Variants in ERCC6L2 observed in about 807,000 individuals in gnomAD.
The protein encoded by ERCC6L2 is ERCC excision repair 6 like 2.
A neutral mutation model predicts 132.0 loss-of-function variants in ERCC6L2; 77 were observed. That is an observed-to-expected ratio of 0.58 (90% confidence interval 0.49 to 0.71). The LOEUF (loss-of-function observed/expected upper bound fraction) is 0.71, where lower values mean the gene tolerates loss of function less well. ERCC6L2 is among the 30% of genes least tolerant of loss of function. The pLI, the probability that ERCC6L2 is intolerant of heterozygous loss-of-function variation, is 0.00. For missense variants in ERCC6L2, 1,542 were observed against 1,837.6 expected (o/e 0.84, Z 2.94); for synonymous variants, 583 against 632.4 (o/e 0.92, Z 1.17).
chr9:95,963,960 A>G (rs944991005), intron 13 of ERCC6L2, among the ~76,000 whole-genome samples: 2 of 152,084 alleles, frequency 1.3e-5, no homozygotes, highest in East Asian at 3.9e-4. Flanking sequence ...TGTGTCTGCT[A>G]AGTTTCTCCA....
chr9:96,024,739 C>T (rs1834339233), intron 19 of ERCC6L2, among the ~76,000 whole-genome samples: 1 of 152,202 alleles, frequency 6.6e-6, no homozygotes, highest in Non-Finnish European at 1.5e-5. Context: ...CACCCTGTTG[C>T]TTTGGTGTGA....
At chr9:95,928,003 C>A in intron 9 of ERCC6L2, 76 bp from the exon 10 acceptor site, 2 of 926,714 alleles carry the variant, frequency 2.2e-6, no homozygotes, top group Non-Finnish European at 3.5e-6. Context: ...TAAAGAAATT[C>A]TCAAGTGATG....
In ERCC6L2 at chr9:95,945,903, A is replaced by G. The variant is rs183198485; in HGVS notation, c.1847+4354A>G. 1.4e-4 allele frequency among the ~76,000 whole-genome samples: 22 copies of G among 152,300 alleles called. No homozygotes were observed. The East Asian group carries it at 4.2e-3, about 29-fold the overall frequency. ...ATATGTTGAAACTTTTTTTAGAAAG[A>G]AGGAGAAAAGTGGGGCTGGCAGAAA... On this transcript the variant is annotated intron_variant, in intron 12 of 18. Coordinates refer to ENST00000653738, the MANE Select transcript of ERCC6L2 (RefSeq NM_020207.7).
downstream of ERCC6L2, chr9:96,021,687 C>G (rs1276004402): frequency 6.5e-6 from 1 of 153,048 alleles, no homozygotes; most frequent in Non-Finnish European, 1.5e-5. The surrounding 1 kb of genome is among the most constrained non-coding windows in gnomAD (Gnocchi z 4.7). Flanking sequence ...GCTCCCTTCC[C>G]CGCCCTGGAT....
chr9:96,027,308 C>T (rs867744028), intron 19 of ERCC6L2, among the ~76,000 whole-genome samples: 70 of 152,296 alleles, frequency 4.6e-4, no homozygotes, highest in Non-Finnish European at 8.8e-4. Flanking sequence ...GACGGAGTGA[C>T]CGGCAGGACA....
At chr9:95,991,323 C>G (rs690455) in intron 17 of ERCC6L2, among the ~76,000 whole-genome samples, 4 of 151,894 alleles carry the variant, frequency 2.6e-5, no homozygotes, top group African/African-American at 9.7e-5. Context: ...CTTTCTGTTA[C>G]GAATATCTTT....
intron 16 of ERCC6L2, among the ~76,000 whole-genome samples, chr9:95,974,119 A>G (rs552637252): frequency 2.1e-4 from 32 of 152,294 alleles, no homozygotes; most frequent in African/African-American, 7.7e-4. Flanking sequence ...AGCCATTGAT[A>G]CTTAATACCT....
At chr9:95,950,186 C>G (rs1831266066) in intron 12 of ERCC6L2, among the ~76,000 whole-genome samples, 1 of 151,972 alleles carries the variant, frequency 6.6e-6, no homozygotes. Flanking sequence ...TTTTTATTTT[C>G]TACAGGATTT....
chr9:96,019,029 CA>C (rs373827010), downstream of ERCC6L2, among the ~76,000 whole-genome samples: 167 of 152,280 alleles, frequency 1.1e-3, 2 homozygotes, highest in East Asian at 0.02. Flanking sequence ...GTTTATCTGG[CA>C]GGGGGAAAAA....
At chr9:96,008,795 C>T (rs1457734208) in intron 18 of ERCC6L2, among the ~76,000 whole-genome samples, 5 of 152,184 alleles carry the variant, frequency 3.3e-5, no homozygotes, top group African/African-American at 4.8e-5. Context: ...GCTGCGGCTT[C>T]GTTGAAGTCA....
intron 3 of ERCC6L2, among the ~76,000 whole-genome samples, chr9:95,901,531 G>GT (rs1480910790): frequency 6.6e-6 from 1 of 152,128 alleles, no homozygotes; most frequent in East Asian, 1.9e-4. Context: ...GTTTTGTTGA[G>GT]TTTTGTTTTG....
chr9:95,956,250 C>T (rs936454180), intron 13 of ERCC6L2, among the ~76,000 whole-genome samples: 11 of 152,144 alleles, frequency 7.2e-5, no homozygotes, highest in Non-Finnish European at 1.0e-4. Context: ...TGCGAATTAC[C>T]AAGGGATCTT....
At chr9:95,918,531 A>G (rs1829708739) in intron 6 of ERCC6L2, 1 of 479,708 alleles carries the variant, frequency 2.1e-6, no homozygotes, top group Non-Finnish European at 4.2e-6. Context: ...TAAAGACAAA[A>G]TGATGAATGG....
intron 3 of ERCC6L2, among the ~76,000 whole-genome samples, chr9:95,900,252 G>A (rs1403620578): frequency 3.9e-5 from 6 of 152,044 alleles, no homozygotes; most frequent in African/African-American, 1.4e-4. Context: ...GCCAGGTGTG[G>A]TAGTGTGTGT....
intron 17 of ERCC6L2, among the ~76,000 whole-genome samples, chr9:95,980,349 C>T (rs901667764): frequency 1.3e-5 from 2 of 152,140 alleles, no homozygotes; most frequent in Non-Finnish European, 2.9e-5. Context: ...AAACCCTTTT[C>T]AGAGAAGATA....
At chr9:95,878,255 C>T (rs1423691440) in intron 1 of ERCC6L2, among the ~76,000 whole-genome samples, 1 of 152,194 alleles carries the variant, frequency 6.6e-6, no homozygotes. Context: ...GGGCAAGAGA[C>T]TGTATGGCCT....
intron 1 of ERCC6L2, 64 bp from the exon 2 acceptor site, chr9:95,880,805 G>A (rs558212830): frequency 6.9e-7 from 1 of 1,440,512 alleles, no homozygotes; most frequent in East Asian, 2.3e-5. Flanking sequence ...TCTCACAGCT[G>A]TGAATAAATG....
At chr9:95,983,623 T>C (rs1832974718) in intron 17 of ERCC6L2, among the ~76,000 whole-genome samples, 1 of 152,226 alleles carries the variant, frequency 6.6e-6, no homozygotes, top group African/African-American at 2.4e-5. Context: ...TAGTATCAAT[T>C]GGACATGGCC....
intron 4 of ERCC6L2, among the ~76,000 whole-genome samples, chr9:95,907,857 C>CACACACAAACACACACACACACACACACA: frequency 0.16 from 21,516 of 133,346 alleles, 2,352 homozygotes; most frequent in Non-Finnish European, 0.23. Flanking sequence ...ACACACACAC[C>CACACACAAACACACACACACACACACACA]CCCACACCCA....
Sources: allele counts gnomAD v4.1 joint callset (sites outside exome capture counted in the v4.1 genomes callset), GRCh38; gene constraint gnomAD v4.1.1; non-coding constraint Gnocchi (gnomAD v3.1); transcripts MANE v1.5; gene names NCBI Gene and HGNC (gene_info 2026-07-23, HGNC 2026-07-21).